The following PHACTR4 variants were observed in gnomAD, a reference collection of about 807,000 sequenced individuals.
The protein encoded by PHACTR4 is phosphatase and actin regulator 4.
In PHACTR4, 51 loss-of-function variants were observed where a neutral mutation model predicts 72.7. That is an observed-to-expected ratio of 0.70 (90% confidence interval 0.56 to 0.89). The LOEUF (loss-of-function observed/expected upper bound fraction) is 0.89. Among genes scored for constraint, PHACTR4 ranks in the 40% least tolerant of loss-of-function variants. PHACTR4 has a pLI of 0.00. For synonymous variants in PHACTR4, 255 were observed against 302.5 expected, an observed-to-expected ratio of 0.84 and a Z score of 1.63; for missense variants, 731 against 861.8, an observed-to-expected ratio of 0.85 and a Z score of 1.90.
intron 2 of PHACTR4, among the ~76,000 whole-genome samples, chr1:28,440,331 C>A (rs1656922264): frequency 7.4e-6 from 1 of 135,848 alleles, no homozygotes; most frequent in Non-Finnish European, 1.6e-5. Flanking sequence ...AAAAAAAGTT[C>A]ATCTGAGTAA....
intron 11 of PHACTR4, among the ~76,000 whole-genome samples, chr1:28,491,301 A>AAT (rs1661021893): frequency 6.6e-6 from 1 of 151,908 alleles, no homozygotes; most frequent in African/African-American, 2.4e-5. Flanking sequence ...TACAAAAAAA[A>AAT]ATATATATTA....
chr1:28,473,410 A>T, intron 6 of PHACTR4, 144 bp from the exon 7 acceptor site: 1 of 663,092 alleles, frequency 1.5e-6, no homozygotes, highest in Non-Finnish European at 2.6e-6. Flanking sequence ...TTCAGGATAA[A>T]ATATATAGGG....
chr1:28,465,926 A>C (rs1659133909), intron 5 of PHACTR4, 77 bp downstream of exon 5: 2 of 1,395,808 alleles, frequency 1.4e-6, no homozygotes, highest in East Asian at 4.7e-5. Context: ...GCAAGAGAAC[A>C]GGGAAAAGTG....
At chr1:28,488,179 G>T (rs1050196358) in intron 9 of PHACTR4, among the ~76,000 whole-genome samples, 1 of 152,008 alleles carries the variant, frequency 6.6e-6, no homozygotes, top group Non-Finnish European at 1.5e-5. Flanking sequence ...AATTCCAGTG[G>T]TTCCTAAACC....
At chr1:28,489,056 AT>A (rs1557850714) in intron 9 of PHACTR4, 113 bp from the exon 10 acceptor site, 1 of 659,172 alleles carries the variant, frequency 1.5e-6, no homozygotes. Flanking sequence ...CAGTTTGAAA[AT>A]TTGTTGATTT....
chr1:28,473,888 G>A lies in PHACTR4; in HGVS notation c.1158G>A (p.Gln386=), dbSNP rs1004890433. The A allele has an allele frequency of 3.7e-6, 6 of 1,613,956 alleles. No homozygotes were observed. Among genetic ancestry groups the A allele is most frequent in the African/African-American group, 2.7e-5 (2 of 74,892 alleles). ...TAGATCTACACCAGGAGATTCCCCA[G>A]CAGGAAGATCAGAAAAAGGAAGTCC... The part of the protein sequence containing the change: ...PSLDLHQEIP[Q]QEDQKKEVPK... Residue 386 remains glutamine, a synonymous_variant, in exon 7 of 14, where the codon CAG becomes CAA. Transcript: ENST00000373839.
At chr1:28,442,581 A>G (rs1337977397) in intron 2 of PHACTR4, among the ~76,000 whole-genome samples, 1 of 151,962 alleles carries the variant, frequency 6.6e-6, no homozygotes, top group Non-Finnish European at 1.5e-5. Context: ...ATTTCGACTC[A>G]CTGCAACTTC....
intron 2 of PHACTR4, among the ~76,000 whole-genome samples, chr1:28,435,024 A>C (rs527712606): frequency 6.6e-6 from 1 of 152,106 alleles, no homozygotes; most frequent in Non-Finnish European, 1.5e-5. Flanking sequence ...AACTTACCCA[A>C]ATATTCAAGG....
chr1:28,394,939 G>A (rs1372035032), intron 1 of PHACTR4, among the ~76,000 whole-genome samples: 1 of 146,058 alleles, frequency 6.8e-6, no homozygotes, highest in Non-Finnish European at 1.5e-5. Flanking sequence ...CTGAGATGAA[G>A]TCTTGTTCTT....
chr1:28,452,019 GT>G (rs1457901451), intron 2 of PHACTR4, among the ~76,000 whole-genome samples: 1 of 152,068 alleles, frequency 6.6e-6, no homozygotes, highest in African/African-American at 2.4e-5. Flanking sequence ...ATTAAATTTG[GT>G]TTCTAGCTCC....
intron 1 of PHACTR4, among the ~76,000 whole-genome samples, chr1:28,374,982 T>C (rs754275368): frequency 1.2e-4 from 19 of 152,186 alleles, no homozygotes; most frequent in Non-Finnish European, 2.8e-4. Flanking sequence ...TTCAAATTCC[T>C]GTAGCAAGTT....
intron 2 of PHACTR4, among the ~76,000 whole-genome samples, chr1:28,419,434 G>A (rs1358736792): frequency 2.6e-5 from 4 of 151,868 alleles, no homozygotes; most frequent in African/African-American, 9.7e-5. Context: ...AAATATATAT[G>A]TGTATATAGT....
At chr1:28,494,918 G>C (rs2124563226) in intron 13 of PHACTR4, among the ~76,000 whole-genome samples, 1 of 152,246 alleles carries the variant, frequency 6.6e-6, no homozygotes, top group Non-Finnish European at 1.5e-5. Context: ...GAAGGATGAA[G>C]AGACTAGCAG....
chr1:28,466,884 C>G lies in PHACTR4; in HGVS notation c.823+116C>G, dbSNP rs544034243. The G allele has an allele frequency of 1.7e-5, 24 of 1,405,186 alleles. No individual in the cohort carries two copies. In the African/African-American group the frequency reaches 3.5e-4, roughly 20 times the overall value. 87.0% of individuals were successfully genotyped at this position (1,405,186 alleles called of 1,614,324 possible). A position where few individuals can be genotyped will look rare whatever the true frequency, so the allele number is the denominator to read the frequency against. The stretch of plus-strand genomic sequence containing the variant: ...CTGTGAGAATTTTCCATATCTTGTC[C>G]CTTTGAATGACCTCAATATGGAGAA... On this transcript the variant is annotated intron_variant, in intron 6 of 13. Coordinates refer to ENST00000373839, the MANE Select transcript of PHACTR4 (RefSeq NM_001048183.3).
Position 28,480,365 on chromosome 1 carries a change from T to A in PHACTR4, c.1607-86T>A, listed in dbSNP as rs1660203020. On this transcript the variant is annotated intron_variant, in intron 8 of 13. Coordinates refer to ENST00000373839, the MANE Select transcript of PHACTR4 (RefSeq NM_001048183.3). ...AACTGGGAATTAAATATTGTATTTG[T>A]TCAGACTCTTGACTAGCTCCAGGTA... The A allele has an allele frequency of 5.4e-6, 8 of 1,469,356 alleles. No homozygotes were observed. In the South Asian group the frequency reaches 1.0e-4, roughly 18 times the overall value. 91.0% of individuals were successfully genotyped at this position (1,469,356 alleles called of 1,614,324 possible). A position where few individuals can be genotyped will look rare whatever the true frequency, so the allele number is the denominator to read the frequency against.
At chr1:28,385,542 C>CAA (rs765203303) in intron 1 of PHACTR4, among the ~76,000 whole-genome samples, 1,847 of 79,098 alleles carry the variant, frequency 0.023, 36 homozygotes, top group Non-Finnish European at 0.033. Context: ...GACTCTGTCT[C>CAA]AAAAAAAAAA....
intron 1 of PHACTR4, among the ~76,000 whole-genome samples, chr1:28,392,469 C>T (rs912162178): frequency 1.3e-5 from 2 of 151,250 alleles, no homozygotes; most frequent in Non-Finnish European, 2.9e-5. Flanking sequence ...GTGGCCCCAT[C>T]ATTGCTCACT....
intron 1 of PHACTR4, among the ~76,000 whole-genome samples, chr1:28,387,397 T>C (rs1456583263): frequency 6.6e-6 from 1 of 152,182 alleles, no homozygotes; most frequent in African/African-American, 2.4e-5. Context: ...ATTCATGGAT[T>C]AATCCCTGTT....
At chr1:28,479,020 G>A (rs1406190730) in intron 8 of PHACTR4, among the ~76,000 whole-genome samples, 1 of 152,118 alleles carries the variant, frequency 6.6e-6, no homozygotes, top group Non-Finnish European at 1.5e-5. Flanking sequence ...ATTCACCTAA[G>A]TGCCTCTAAT....
Sources: gnomAD v4.1 joint callset for allele counts (sites outside exome capture counted in the v4.1 genomes callset) on GRCh38, gnomAD v4.1.1 for gene constraint, MANE v1.5 for transcripts, NCBI Gene and HGNC (gene_info 2026-07-23, HGNC 2026-07-21) for gene names.